Variants in CACNG3 observed in about 807,000 individuals in gnomAD.
CACNG3 encodes calcium voltage-gated channel auxiliary subunit gamma 3.
Under a neutral mutation model 28.5 loss-of-function variants are expected in CACNG3, and 3 were observed. That is an observed-to-expected ratio of 0.11 (90% confidence interval 0.05 to 0.27). The LOEUF (loss-of-function observed/expected upper bound fraction) is 0.27. Ranked by LOEUF, CACNG3 falls within the 10% of genes least tolerant of loss-of-function variation. The pLI, the probability that CACNG3 is intolerant of heterozygous loss-of-function variation, is 1.00. For missense variants in CACNG3, 236 were observed against 414.4 expected (o/e 0.57, Z 3.74); for synonymous variants, 174 against 162.2 (o/e 1.07, Z -0.55).
At chr16:24,351,753 A>G (rs1899949419) in intron 2 of CACNG3, among the ~76,000 whole-genome samples, 1 of 67,922 alleles carries the variant, frequency 1.5e-5, no homozygotes, top group South Asian at 6.7e-4. Context: ...GGAAGGAAGG[A>G]AGGAAGAGAG....
chr16:24,317,610 G>GAAAGAAAGGA (rs1567217445), intron 1 of CACNG3, among the ~76,000 whole-genome samples: 4 of 66,590 alleles, frequency 6.0e-5, no homozygotes, highest in African/African-American at 6.9e-5. Flanking sequence ...AAGAAAGAAA[G>GAAAGAAAGGA]AAAGAAAGAA....
intron 1 of CACNG3, among the ~76,000 whole-genome samples, chr16:24,258,720 A>G (rs1898500921): frequency 6.6e-6 from 1 of 152,210 alleles, no homozygotes; most frequent in East Asian, 1.9e-4. Flanking sequence ...GGATGTTGCG[A>G]TATCTACATG....
chr16:24,313,156 A>G (rs186922726), intron 1 of CACNG3, among the ~76,000 whole-genome samples: 39 of 152,240 alleles, frequency 2.6e-4, no homozygotes, highest in African/African-American at 5.3e-4. Flanking sequence ...ATTAATGTGT[A>G]TAAGCCATTA....
chr16:24,310,456 T>A (rs944077523), intron 1 of CACNG3, among the ~76,000 whole-genome samples: 2 of 151,988 alleles, frequency 1.3e-5, no homozygotes, highest in African/African-American at 2.4e-5. Context: ...CCCAGCTACT[T>A]GGGAGGCTGA....
At chr16:24,270,075 A>G (rs556132592) in intron 1 of CACNG3, among the ~76,000 whole-genome samples, 50 of 152,320 alleles carry the variant, frequency 3.3e-4, no homozygotes, top group African/African-American at 1.2e-3. Context: ...ACATTTAGGA[A>G]GTGGAATTTC....
intron 1 of CACNG3, among the ~76,000 whole-genome samples, chr16:24,319,421 T>G (rs1473673393): frequency 3.3e-5 from 5 of 152,162 alleles, no homozygotes; most frequent in East Asian, 1.9e-4. Context: ...AAAGTATTTT[T>G]TGTGTGTGTA....
At chr16:24,357,531 G>A (rs1036122926) in intron 3 of CACNG3, among the ~76,000 whole-genome samples, 2 of 152,146 alleles carry the variant, frequency 1.3e-5, no homozygotes, top group South Asian at 2.1e-4. Context: ...CTGCTTCGCC[G>A]GCTGTGAGAT....
Position 24,338,623 on chromosome 16 carries a change from G to T in CACNG3, c.212-8111G>T, listed in dbSNP as rs560490235. 3.3e-5 allele frequency among the ~76,000 whole-genome samples: 5 copies of T among 152,320 alleles called. No homozygotes were observed. In the South Asian group the frequency reaches 8.3e-4, roughly 25 times the overall value. Reference sequence around the variant, plus strand: ...GCCTCCCAAAGTGCTGGGATTACAGGCATGAGCCACCATGCCCAGCCCCAG... The same window carrying T: ...GCCTCCCAAAGTGCTGGGATTACAGTCATGAGCCACCATGCCCAGCCCCAG... On this transcript the variant is annotated intron_variant, in intron 1 of 3. Coordinates refer to ENST00000005284, the MANE Select transcript of CACNG3 (RefSeq NM_006539.4).
At chr16:24,324,654 T>A (rs1242289362) in intron 1 of CACNG3, among the ~76,000 whole-genome samples, 1 of 152,192 alleles carries the variant, frequency 6.6e-6, no homozygotes, top group Non-Finnish European at 1.5e-5. Context: ...TCCTGCTTAA[T>A]CCCTGAAAGC....
chr16:24,314,413 G>A lies in CACNG3; in HGVS notation c.212-32321G>A, dbSNP rs79239989. ...GCCCTCAGGTCAGTCCAGCAGCCACGGGTGATCGAGCTCCAGGCCAGCTGC... is the reference window on the plus strand; with the variant it reads ...GCCCTCAGGTCAGTCCAGCAGCCACAGGTGATCGAGCTCCAGGCCAGCTGC... On this transcript the variant is annotated intron_variant, in intron 1 of 3. Coordinates refer to ENST00000005284, the MANE Select transcript of CACNG3 (RefSeq NM_006539.4). Among the ~76,000 whole-genome samples the A allele has an allele frequency of 3.3e-3, 507 of 152,214 alleles. 4 individuals carry two copies. Among genetic ancestry groups the A allele is most frequent in the Non-Finnish European group, 4.8e-3 (325 of 68,006 alleles).
chr16:24,279,410 C>T (rs1448141195), intron 1 of CACNG3, among the ~76,000 whole-genome samples: 1 of 152,158 alleles, frequency 6.6e-6, no homozygotes, highest in Non-Finnish European at 1.5e-5. Context: ...CCTCCCACCT[C>T]AGCCTCCTGA....
chr16:24,315,602 GTC>G (rs1214457725), intron 1 of CACNG3, among the ~76,000 whole-genome samples: 1 of 93,160 alleles, frequency 1.1e-5, no homozygotes, highest in Non-Finnish European at 2.3e-5. Context: ...CTCTTTCTTT[GTC>G]TCTCTTTCTT....
intron 1 of CACNG3, among the ~76,000 whole-genome samples, chr16:24,277,463 G>A (rs866231900): frequency 7.9e-5 from 12 of 152,130 alleles, no homozygotes; most frequent in Admixed American, 7.9e-4. Flanking sequence ...GGAGTACCGA[G>A]GTTGAGAATC....
At chr16:24,341,911 G>C (rs1458433433) in intron 1 of CACNG3, among the ~76,000 whole-genome samples, 1 of 152,180 alleles carries the variant, frequency 6.6e-6, no homozygotes. Context: ...TGAGACAGAG[G>C]TCCCCATTTT....
chr16:24,313,319 C>T (rs1488821947), intron 1 of CACNG3, among the ~76,000 whole-genome samples: 3 of 152,138 alleles, frequency 2.0e-5, no homozygotes, highest in African/African-American at 7.2e-5. Context: ...AAATGAAACT[C>T]AGAAAGGCCA....
At chr16:24,359,827 C>G (rs529931444) in intron 3 of CACNG3, among the ~76,000 whole-genome samples, 1 of 152,148 alleles carries the variant, frequency 6.6e-6, no homozygotes, top group African/African-American at 2.4e-5. Context: ...TGTTCCACTG[C>G]ACTCCAGCCT....
intron 1 of CACNG3, among the ~76,000 whole-genome samples, chr16:24,310,223 A>C (rs1159260396): frequency 6.6e-6 from 1 of 152,226 alleles, no homozygotes; most frequent in Non-Finnish European, 1.5e-5. Context: ...AAAGATATCG[A>C]GAAGTCAGCT....
chr16:24,317,620 A>AAG (rs1899382117), intron 1 of CACNG3, among the ~76,000 whole-genome samples: 1 of 60,426 alleles, frequency 1.7e-5, no homozygotes, highest in South Asian at 5.5e-4. Flanking sequence ...GAAAGAAAGA[A>AAG]AGAAAGACAG....
chr16:24,327,550 T>C (rs1449374226), intron 1 of CACNG3, among the ~76,000 whole-genome samples: 1 of 145,376 alleles, frequency 6.9e-6, no homozygotes, highest in Non-Finnish European at 1.5e-5. Flanking sequence ...AGCTCAGGAG[T>C]TAAAGGATGC....
Sources: gnomAD v4.1 joint callset for allele counts (sites outside exome capture counted in the v4.1 genomes callset) on GRCh38, gnomAD v4.1.1 for gene constraint, MANE v1.5 for transcripts, NCBI Gene and HGNC (gene_info 2026-07-23, HGNC 2026-07-21) for gene names.